Variants in KDM5B observed in about 807,000 individuals in gnomAD.
KDM5B encodes the protein lysine-specific demethylase 5B.
In KDM5B, 144 loss-of-function variants were observed where a neutral mutation model predicts 193.4. The ratio of observed to expected loss-of-function variants is 0.74; its 90% confidence interval spans 0.65 to 0.86. The LOEUF (loss-of-function observed/expected upper bound fraction) is 0.86, where lower values mean the gene tolerates loss of function less well. KDM5B is among the 40% of genes least tolerant of loss of function. The probability of loss-of-function intolerance (pLI) is 0.00; values close to 1 mark genes in which losing one functional copy is unlikely to be tolerated. For missense variants in KDM5B, 1,833 were observed against 1,886.9 expected (o/e 0.97, Z 0.53); for synonymous variants, 668 against 682.6 (o/e 0.98, Z 0.33).
At position 202,756,398 on chromosome 1, in the gene KDM5B, G is replaced by A. The variant is rs1482781577; in HGVS notation, c.1316C>T (p.Pro439Leu). 6.2e-7 allele frequency: 1 copy of A among 1,613,132 alleles called. No individual in the cohort carries two copies. Among genetic ancestry groups the A allele is most frequent in the Non-Finnish European group, 8.5e-7 (1 of 1,179,550 alleles). ...GAGTTTGATTTTCCCATCTCGGACA[G>A]GAAAGCCACTGCCAAATTCCTTTGA... ...IASKEFGSGF[P>L]VRDGKIKLSP... Residue 439 changes from proline (P) to leucine (L), a missense_variant, in exon 10 of 27, where the codon CCT becomes CTT. Pro to Leu is a moderately conservative substitution (Grantham distance 98). Transcript: ENST00000367265.
intron 11 of KDM5B, among the ~76,000 whole-genome samples, chr1:202,754,787 T>TA (rs1178445679): frequency 2.2e-4 from 33 of 152,290 alleles, no homozygotes; most frequent in African/African-American, 7.7e-4. Flanking sequence ...CAGGATCAAG[T>TA]GATTCTCCTC....
At chr1:202,799,866 C>G (rs1456927378) in intron 1 of KDM5B, among the ~76,000 whole-genome samples, 2 of 152,104 alleles carry the variant, frequency 1.3e-5, no homozygotes, top group African/African-American at 4.8e-5. Context: ...TCTCCTATCT[C>G]AGAAATGAAG....
chr1:202,771,861 T>A (rs549611716), intron 4 of KDM5B, among the ~76,000 whole-genome samples: 2 of 152,310 alleles, frequency 1.3e-5, no homozygotes, highest in South Asian at 4.1e-4. Context: ...ATTACAGGCG[T>A]GAGCCATCGC....
intron 6 of KDM5B, among the ~76,000 whole-genome samples, chr1:202,763,606 C>T (rs1003517463): frequency 2.0e-5 from 3 of 152,194 alleles, no homozygotes; most frequent in Non-Finnish European, 4.4e-5. Context: ...ATCCACCTCT[C>T]AGTGACTTAC....
chr1:202,756,549 C>T, intron 9 of KDM5B, 33 bp from the exon 10 acceptor site: 1 of 1,531,494 alleles, frequency 6.5e-7, no homozygotes. Context: ...AAATGAGTTT[C>T]CTCACAAACT....
intron 16 of KDM5B, among the ~76,000 whole-genome samples, chr1:202,745,622 G>C (rs1655521509): frequency 6.6e-6 from 1 of 152,130 alleles, no homozygotes; most frequent in Non-Finnish European, 1.5e-5. Context: ...TTTTTGTTAA[G>C]TAAGTGATGT....
chr1:202,732,056 AAC>A (rs1491448373), intron 23 of KDM5B, 117 bp from the exon 24 acceptor site: 1,511 of 614,044 alleles, frequency 2.5e-3, no homozygotes, highest in Non-Finnish European at 3.2e-3. Context: ...AAAAAAAAAA[AAC>A]AACTTGATTT....
At chr1:202,780,033 T>A (rs1036492840) in intron 1 of KDM5B, among the ~76,000 whole-genome samples, 1 of 151,966 alleles carries the variant, frequency 6.6e-6, no homozygotes, top group Non-Finnish European at 1.5e-5. Context: ...GGGCAAATTG[T>A]ATCAACAGCC....
At chr1:202,801,731 C>T (rs964462936) in intron 1 of KDM5B, among the ~76,000 whole-genome samples, 11 of 152,118 alleles carry the variant, frequency 7.2e-5, no homozygotes, top group Admixed American at 7.2e-4. Flanking sequence ...CAATTGCATA[C>T]CATTCTTATG....
intron 9 of KDM5B, among the ~76,000 whole-genome samples, chr1:202,756,752 G>A (rs745969700): frequency 2.6e-5 from 4 of 152,154 alleles, no homozygotes; most frequent in Non-Finnish European, 2.9e-5. Context: ...ATTTATGACC[G>A]GGAGATATTT....
chr1:202,741,448 T>C lies in KDM5B; in HGVS notation c.2864A>G (p.Glu955Gly). 2 of 1,612,052 alleles carry C rather than the reference T, an allele frequency of 1.2e-6. No homozygotes were observed. The highest frequency in any genetic ancestry group is 1.7e-6 in the Non-Finnish European group (2 of 1,178,584). The change falls in exon 19 of 27, where the codon GAG (glutamate) becomes GGG (glycine). Residue 955 changes from glutamate (E) to glycine (G), a missense_variant. Transcript: ENST00000367265. ...GVGLAPYSAV[E>G]KAMARLQELL... Reference sequence around the variant, plus strand: ...TTCCTGCAGCCGGGCCATAGCTTTCTCCACTGCTGAATACGGGGCCAGCCC... The same window carrying C: ...TTCCTGCAGCCGGGCCATAGCTTTCCCCACTGCTGAATACGGGGCCAGCCC...
chr1:202,780,754 T>C (rs75300738), intron 1 of KDM5B, among the ~76,000 whole-genome samples: 2,955 of 150,260 alleles, frequency 0.02, 88 homozygotes, highest in African/African-American at 0.067. Context: ...ATGTATTAGG[T>C]TGGTGCAAAT....
rs555594141 is a variant in KDM5B at position 202,808,345 on chromosome 1, G to C, written c.-40C>G. The stretch of plus-strand genomic sequence containing the variant: ...CAAGGGCGAGGCGAAGGTGGGCTCC[G>C]GGACCGAGGCTGCGAGCTCCGCTCG... On this transcript the variant is annotated 5_prime_UTR_variant, in exon 1 of 27. Transcript: ENST00000367265. 2.6e-6 allele frequency: 4 copies of C among 1,510,588 alleles called. No individual in the cohort carries two copies. The highest frequency in any genetic ancestry group is 3.5e-6 in the Non-Finnish European group (4 of 1,132,398). 93.6% of individuals were successfully genotyped at this position (1,510,588 alleles called of 1,614,324 possible). A position where few individuals can be genotyped will look rare whatever the true frequency, so the allele number is the denominator to read the frequency against.
chr1:202,734,352 TAAAAA>T (rs33951184), intron 22 of KDM5B, among the ~76,000 whole-genome samples: 2 of 135,348 alleles, frequency 1.5e-5, no homozygotes, highest in Admixed American at 1.6e-4. Context: ...TTGGGTATAT[TAAAAA>T]AAAAAAAAAA....
Position 202,731,837 on chromosome 1 carries a change from G to T in KDM5B, c.4012C>A (p.Pro1338Thr), listed in dbSNP as rs780620540. ...ATAACAAAATACAAACCATGGAGGG[G>T]GATACAACTTCGTCCAGTTGAGAAG... ...SPFSTGRSCIPLHGVSPEVNE... is the reference protein window; with the variant it reads ...SPFSTGRSCITLHGVSPEVNE... The change falls in exon 24 of 27, where the codon CCC becomes ACC. Residue 1338 changes from proline (P) to threonine (T), a missense_variant. Transcript: ENST00000367265. 38 of 1,604,702 alleles carry T rather than the reference G, an allele frequency of 2.4e-5. No homozygotes were observed. Among genetic ancestry groups the T allele is most frequent in the Non-Finnish European group, 3.2e-5 (38 of 1,171,722 alleles).
At position 202,727,812 on chromosome 1, in the gene KDM5B, T is replaced by C. The variant is rs1024526177; in HGVS notation, c.*1224A>G. The C allele has an allele frequency of 6.6e-6, 1 of 152,648 alleles. No individual in the cohort carries two copies. Among genetic ancestry groups the C allele is most frequent in the African/African-American group, 2.4e-5 (1 of 41,450 alleles). The allele number at this position is 152,648 out of a possible 1,614,324, so 9.5% of individuals were successfully genotyped here. On this transcript the variant is annotated 3_prime_UTR_variant, in exon 27 of 27. Coordinates refer to ENST00000367265, the MANE Select transcript of KDM5B (RefSeq NM_006618.5). ...CTGTGAGGATTAATTTTCCTTAGAT[T>C]TCCTTCCAACGTCTTAACCCTAAAC...
chr1:202,757,776 T>C (rs1406115083), intron 9 of KDM5B, among the ~76,000 whole-genome samples: 1 of 152,184 alleles, frequency 6.6e-6, no homozygotes, highest in Non-Finnish European at 1.5e-5. Context: ...ACCTCAATAA[T>C]CATCCCAAGA....
chr1:202,803,667 T>C (rs1027671202), intron 1 of KDM5B, among the ~76,000 whole-genome samples: 1 of 151,968 alleles, frequency 6.6e-6, no homozygotes, highest in Non-Finnish European at 1.5e-5. Context: ...CTACTAAAAA[T>C]ACAAAGTTAG....
At chr1:202,731,678 C>A (rs927252738) in intron 24 of KDM5B, 150 bp downstream of exon 24, 6 of 627,558 alleles carry the variant, frequency 9.6e-6, no homozygotes, top group Non-Finnish European at 1.7e-5. Flanking sequence ...CAAATAGGAT[C>A]CCTTCCCTAT....
Sources: allele counts gnomAD v4.1 joint callset (sites outside exome capture counted in the v4.1 genomes callset), GRCh38; gene constraint gnomAD v4.1.1; transcripts MANE v1.5; gene names NCBI Gene and HGNC (gene_info 2026-07-23, HGNC 2026-07-21).